CMIP: variants seen among roughly 807,000 people sequenced by gnomAD.
The protein encoded by CMIP is C-Maf-inducing protein.
In CMIP, 13 loss-of-function variants were observed where a neutral mutation model predicts 97.3. The observed-to-expected ratio is 0.13, with a 90% CI of 0.09 to 0.21. The LOEUF (loss-of-function observed/expected upper bound fraction) is 0.21, where lower values mean the gene tolerates loss of function less well. Ranked by LOEUF, CMIP falls within the 10% of genes least tolerant of loss-of-function variation. The probability of loss-of-function intolerance (pLI) is 1.00; values close to 1 mark genes in which losing one functional copy is unlikely to be tolerated. For synonymous variants in CMIP, 538 were observed against 436.3 expected, an observed-to-expected ratio of 1.23 and a Z score of -2.91; for missense variants, 847 against 1,024.9, an observed-to-expected ratio of 0.83 and a Z score of 2.37.
chr16:81,566,598 G>A (rs2090987845), intron 1 of CMIP, among the ~76,000 whole-genome samples: 1 of 152,204 alleles, frequency 6.6e-6, no homozygotes, highest in Non-Finnish European at 1.5e-5. Context: ...CTTGGCAGGG[G>A]TCTAATGCAT....
intron 7 of CMIP, among the ~76,000 whole-genome samples, chr16:81,669,626 T>A (rs1464950184): frequency 5.1e-5 from 6 of 118,334 alleles, no homozygotes; most frequent in Admixed American, 8.4e-5. Flanking sequence ...CACCAACCTC[T>A]CACCTCCTTC....
chr16:81,581,108 C>T (rs1341584132), intron 1 of CMIP, among the ~76,000 whole-genome samples: 1 of 152,166 alleles, frequency 6.6e-6, no homozygotes. Flanking sequence ...TCAGCACTGC[C>T]TTCCTTTTGA....
intron 1 of CMIP, among the ~76,000 whole-genome samples, chr16:81,542,048 T>C (rs1227177236): frequency 6.6e-6 from 1 of 152,140 alleles, no homozygotes; most frequent in Non-Finnish European, 1.5e-5. Context: ...CATAAAATGG[T>C]CGTGCCCCAC....
chr16:81,696,646 C>T lies in CMIP; in HGVS notation c.1617C>T (p.Asp539=), dbSNP rs376963057. ...CCGGAGGGGTGGCCTGCGACGATGACGGGGAGCTGTTCGCCAGCATGGTAC... is the reference window on the plus strand; with the variant it reads ...CCGGAGGGGTGGCCTGCGACGATGATGGGGAGCTGTTCGCCAGCATGGTAC... The part of the protein sequence containing the change: ...YSPGGVACDD[D]GELFASMVHI... The change falls in exon 14 of 21, where the codon GAC becomes GAT. Residue 539 remains aspartate (D), a synonymous_variant. Transcript: ENST00000537098. The T allele has an allele frequency of 8.7e-6, 14 of 1,606,602 alleles. No individual in the cohort carries two copies. The highest frequency in any genetic ancestry group is 8.0e-5 in the African/African-American group (6 of 74,942).
intron 9 of CMIP, among the ~76,000 whole-genome samples, chr16:81,676,825 G>C (rs116973183): frequency 1.3e-5 from 2 of 151,942 alleles, no homozygotes; most frequent in African/African-American, 4.8e-5. Context: ...TCCCCCAGCT[G>C]CAACAATTCC....
rs1007656840 is a variant in CMIP at position 81,652,058 on chromosome 16, G to T, written c.478-145G>T. On this transcript the variant is annotated intron_variant, in intron 3 of 20. Transcript: ENST00000537098. This position sits in a 1 kb window ranked among gnomAD's most constrained non-coding sequence, Gnocchi z 5.2. ...AGACCCTTCCTCTCTCGGGGTGTCA[G>T]TTTCCTTATAAACGGGGACTGGGCC... 4 of 638,908 alleles carry T rather than the reference G, an allele frequency of 6.3e-6. No homozygotes were observed. Among genetic ancestry groups the T allele is most frequent in the Admixed American group, 2.9e-5 (1 of 34,212 alleles). 39.6% of individuals were successfully genotyped at this position (638,908 alleles called of 1,614,324 possible). A position where few individuals can be genotyped will look rare whatever the true frequency, so the allele number is the denominator to read the frequency against.
At chr16:81,469,343 A>G (rs1317077172) in intron 1 of CMIP, among the ~76,000 whole-genome samples, 3 of 152,250 alleles carry the variant, frequency 2.0e-5, no homozygotes, top group South Asian at 4.1e-4. Flanking sequence ...ACCTTGGTCA[A>G]GTAACTTCAC....
At chr16:81,658,674 T>C (rs2092512121) in intron 5 of CMIP, among the ~76,000 whole-genome samples, 1 of 152,248 alleles carries the variant, frequency 6.6e-6, no homozygotes, top group South Asian at 2.1e-4. Flanking sequence ...TAGTGTGTTC[T>C]GGAAGCTTCA....
chr16:81,546,369 G>A (rs574697807), intron 1 of CMIP, among the ~76,000 whole-genome samples: 1 of 152,180 alleles, frequency 6.6e-6, no homozygotes, highest in Non-Finnish European at 1.5e-5. Context: ...CATGTAGGGC[G>A]GCGGTCCCTT....
chr16:81,524,991 A>G (rs904742352), intron 1 of CMIP, among the ~76,000 whole-genome samples: 33 of 151,730 alleles, frequency 2.2e-4, no homozygotes, highest in Admixed American at 2.2e-3. Context: ...AGATGGGGTT[A>G]CACCATGTTG....
At chr16:81,500,333 C>CCTT in intron 1 of CMIP, among the ~76,000 whole-genome samples, 1 of 87,704 alleles carries the variant, frequency 1.1e-5, no homozygotes, top group Admixed American at 1.2e-4. Flanking sequence ...CTCCCTCTGT[C>CCTT]CCTCCCTCCC....
chr16:81,656,305 C>T (rs2092481429), intron 4 of CMIP, among the ~76,000 whole-genome samples: 1 of 152,258 alleles, frequency 6.6e-6, no homozygotes, highest in South Asian at 2.1e-4. Context: ...TAGATACCCC[C>T]ATATGCCTTA....
intron 20 of CMIP, 113 bp from the exon 21 acceptor site, chr16:81,709,633 G>A (rs1045343799): frequency 8.4e-6 from 10 of 1,194,484 alleles, no homozygotes; most frequent in South Asian, 1.3e-5. Flanking sequence ...CAGCACCAAG[G>A]TGGGGAGAGG....
chr16:81,475,792 T>C (rs1357672801), intron 1 of CMIP, among the ~76,000 whole-genome samples: 3 of 152,122 alleles, frequency 2.0e-5, no homozygotes, highest in Non-Finnish European at 4.4e-5. Flanking sequence ...AGGACCATCC[T>C]GGCTAACACG....
At position 81,709,943 on chromosome 16, in the gene CMIP, G is replaced by C. The variant is rs28559907; in HGVS notation, c.*144G>C. On this transcript the variant is annotated 3_prime_UTR_variant, in exon 21 of 21. Coordinates refer to ENST00000537098, the MANE Select transcript of CMIP (RefSeq NM_198390.3). ...GGAGTCTTTCTGGGGGCGGAGGGGG[G>C]AGGGGGTGGGGAGGGGGCCCACAAG... 1.6e-6 allele frequency: 1 copy of C among 607,068 alleles called. No individual in the cohort carries two copies. The highest frequency in any genetic ancestry group is 2.8e-5 in the Admixed American group (1 of 35,946). The allele number at this position is 607,068 out of a possible 1,614,324, so 37.6% of individuals were successfully genotyped here.
intron 14 of CMIP, 86 bp from the exon 15 acceptor site, chr16:81,699,599 C>G: frequency 2.4e-6 from 2 of 829,936 alleles, no homozygotes; most frequent in Non-Finnish European, 4.0e-6. Context: ...GTCTGTTCAA[C>G]GGCTCTTGGG....
chr16:81,549,125 C>T (rs1313101100), intron 1 of CMIP, among the ~76,000 whole-genome samples: 3 of 152,192 alleles, frequency 2.0e-5, no homozygotes, highest in South Asian at 4.1e-4. Flanking sequence ...GGGAAAGGGG[C>T]TTTTCTGATG....
chr16:81,635,329 A>G (rs969037504), intron 3 of CMIP, among the ~76,000 whole-genome samples: 1 of 152,076 alleles, frequency 6.6e-6, no homozygotes, highest in Admixed American at 6.6e-5. Flanking sequence ...AAAGACCCTC[A>G]GGAGGGTTGG....
intron 3 of CMIP, among the ~76,000 whole-genome samples, chr16:81,636,956 C>T (rs562447842): frequency 8.5e-5 from 13 of 152,140 alleles, no homozygotes; most frequent in African/African-American, 3.1e-4. Flanking sequence ...AGGTGGAATC[C>T]ACGGCAGATC....
Sources: allele counts gnomAD v4.1 joint callset (sites outside exome capture counted in the v4.1 genomes callset), GRCh38; gene constraint gnomAD v4.1.1; non-coding constraint Gnocchi (gnomAD v3.1); transcripts MANE v1.5; gene names NCBI Gene and HGNC (gene_info 2026-07-23, HGNC 2026-07-21).